The following UQCC1 variants were observed in gnomAD, a reference collection of about 807,000 sequenced individuals.
UQCC1 encodes the protein ubiquinol-cytochrome c reductase complex assembly factor 1.
UQCC1 carries 38 observed loss-of-function variants against 48.0 expected under a neutral mutation model. That is an observed-to-expected ratio of 0.79 (90% confidence interval 0.61 to 1.04). The LOEUF (loss-of-function observed/expected upper bound fraction) is 1.04, where lower values mean the gene tolerates loss of function less well. Among genes scored for constraint, UQCC1 ranks in the 50% least tolerant of loss-of-function variants. UQCC1 has a pLI of 0.00. For missense variants in UQCC1, 368 were observed against 381.8 expected, an observed-to-expected ratio of 0.96 and a Z score of 0.30; for synonymous variants, 111 against 129.2, an observed-to-expected ratio of 0.86 and a Z score of 0.95.
intron 4 of UQCC1, among the ~76,000 whole-genome samples, chr20:35,380,879 G>A (rs984703767): frequency 6.6e-6 from 1 of 152,162 alleles, no homozygotes; most frequent in Non-Finnish European, 1.5e-5. Flanking sequence ...TACCAGCTGA[G>A]CATCCCAAAT....
At chr20:35,350,870 G>C (rs561000206) in intron 6 of UQCC1, among the ~76,000 whole-genome samples, 2 of 152,032 alleles carry the variant, frequency 1.3e-5, no homozygotes, top group South Asian at 4.1e-4. Context: ...GTGAAACCCC[G>C]TCTCTCCCAA....
chr20:35,355,361 G>C (rs6060382), intron 6 of UQCC1, among the ~76,000 whole-genome samples: 1 of 152,192 alleles, frequency 6.6e-6, no homozygotes, highest in Admixed American at 6.5e-5. Flanking sequence ...GGGAAAATAA[G>C]GTTCTGATCC....
chr20:35,394,143 A>C lies in UQCC1; in HGVS notation c.78T>G (p.Pro26=). Reference sequence around the variant, plus strand: ...CCCCCTGTCCTTGGGTAGGAGACACAGGTATCAATCGGCTGCATACTGGAA... The same window carrying C: ...CCCCCTGTCCTTGGGTAGGAGACACCGGTATCAATCGGCTGCATACTGGAA... ...QWVPVCSRLI[P]VSPTQGQGDR... Residue 26 remains proline (P), a synonymous_variant, in exon 2 of 10, where the codon CCT becomes CCG. Transcript: ENST00000374385. The C allele has an allele frequency of 6.2e-7, 1 of 1,614,120 alleles. No individual in the cohort carries two copies. Among genetic ancestry groups the C allele is most frequent in the Non-Finnish European group, 8.5e-7 (1 of 1,179,986 alleles).
At chr20:35,390,822 T>G (rs1052515822) in intron 2 of UQCC1, among the ~76,000 whole-genome samples, 2 of 152,140 alleles carry the variant, frequency 1.3e-5, no homozygotes, top group Admixed American at 6.6e-5. Context: ...TCCCCTGATA[T>G]GATGCACTGA....
intron 7 of UQCC1, among the ~76,000 whole-genome samples, chr20:35,315,833 C>T (rs2425055): frequency 0.44 from 66,231 of 151,992 alleles, 15,086 homozygotes; most frequent in African/African-American, 0.56. Context: ...CTGCAGTGAG[C>T]CAGGATCGCG....
At chr20:35,392,639 C>T (rs1320758584) in intron 2 of UQCC1, among the ~76,000 whole-genome samples, 2 of 152,106 alleles carry the variant, frequency 1.3e-5, no homozygotes, top group African/African-American at 2.4e-5. Context: ...AAAGTAGACG[C>T]CTCTTCTGCA....
At chr20:35,347,397 C>CTTT in intron 6 of UQCC1, 125 bp from the exon 7 acceptor site, 1 of 889,596 alleles carries the variant, frequency 1.1e-6, no homozygotes, top group Non-Finnish European at 1.6e-6. Flanking sequence ...TGGAAGTGAA[C>CTTT]TTTTTTTTTT....
At chr20:35,398,046 T>C (rs941580212) in intron 1 of UQCC1, among the ~76,000 whole-genome samples, 1 of 152,218 alleles carries the variant, frequency 6.6e-6, no homozygotes, top group Non-Finnish European at 1.5e-5. Flanking sequence ...AACTGAGGCA[T>C]GGAGAGGATA....
chr20:35,303,803 G>A lies in UQCC1; in HGVS notation c.*132C>T. 2.4e-6 allele frequency: 3 copies of A among 1,265,282 alleles called. No homozygotes were observed. The highest frequency in any genetic ancestry group is 3.4e-6 in the Non-Finnish European group (3 of 893,482). 78.4% of individuals were successfully genotyped at this position (1,265,282 alleles called of 1,614,324 possible). A position where few individuals can be genotyped will look rare whatever the true frequency, so the allele number is the denominator to read the frequency against. On this transcript the variant is annotated 3_prime_UTR_variant, in exon 10 of 10. Transcript: ENST00000374385. ...ACTAAGAGGAAACTCAACACAAATG[G>A]GGCCAGGTATTTGACAGATGCTGTT...
intron 2 of UQCC1, among the ~76,000 whole-genome samples, chr20:35,393,404 A>C (rs1288225398): frequency 6.6e-6 from 1 of 152,108 alleles, no homozygotes; most frequent in Non-Finnish European, 1.5e-5. Flanking sequence ...CTAATAAGTG[A>C]AAAGGTACCA....
At chr20:35,310,508 T>C (rs1027041850) in intron 8 of UQCC1, among the ~76,000 whole-genome samples, 1 of 151,332 alleles carries the variant, frequency 6.6e-6, no homozygotes, top group Non-Finnish European at 1.5e-5. Flanking sequence ...TAGTCAAGCA[T>C]GGTGGCGCCT....
intron 6 of UQCC1, among the ~76,000 whole-genome samples, chr20:35,355,884 C>CT (rs35947113): frequency 0.082 from 11,501 of 140,274 alleles, 940 homozygotes; most frequent in African/African-American, 0.21. Flanking sequence ...CACATACTAT[C>CT]TTTTTTTTTT....
At position 35,394,234 on chromosome 20, in the gene UQCC1, T is replaced by C. The variant is rs777465853; in HGVS notation, c.25-38A>G. On this transcript the variant is annotated intron_variant, in intron 1 of 9. Coordinates refer to ENST00000374385, the MANE Select transcript of UQCC1 (RefSeq NM_018244.5). ...AATAATAATCTGTCAGGAATCTAAA[T>C]CATACTCCCTACATGGAAGGCAAAG... is the stretch of plus-strand genomic sequence containing the variant. 1.8e-5 allele frequency: 27 copies of C among 1,541,452 alleles called. No homozygotes were observed. In the Admixed American group the frequency reaches 4.3e-4, roughly 25 times the overall value.
At chr20:35,403,917 G>A (rs181915043) in intron 1 of UQCC1, among the ~76,000 whole-genome samples, 5 of 152,204 alleles carry the variant, frequency 3.3e-5, no homozygotes, top group East Asian at 1.9e-4. Flanking sequence ...GTCGTGGGGT[G>A]GGGGGAGCGG....
intron 7 of UQCC1, among the ~76,000 whole-genome samples, chr20:35,337,594 A>C (rs1192115485): frequency 6.6e-6 from 1 of 152,136 alleles, no homozygotes; most frequent in Non-Finnish European, 1.5e-5. Context: ...TTCCAGTTTA[A>C]ACAGTCTAAG....
At chr20:35,364,685 C>T (rs1436325513) in intron 6 of UQCC1, among the ~76,000 whole-genome samples, 3 of 152,180 alleles carry the variant, frequency 2.0e-5, no homozygotes, top group African/African-American at 7.2e-5. Flanking sequence ...ACACCCTACT[C>T]CTCAGAAATT....
At chr20:35,356,151 A>T (rs1486321301) in intron 6 of UQCC1, among the ~76,000 whole-genome samples, 1 of 152,192 alleles carries the variant, frequency 6.6e-6, no homozygotes, top group Non-Finnish European at 1.5e-5. Context: ...GGCCTCCCAA[A>T]GTGCTGGGAT....
chr20:35,401,658 C>CTTT lies in UQCC1; in HGVS notation c.25-7465_25-7463dup, dbSNP rs142034321. Among the ~76,000 whole-genome samples the CTTT allele has an allele frequency of 5.3e-4, 62 of 117,968 alleles. 2 individuals carry two copies. Among genetic ancestry groups the CTTT allele is most frequent in the African/African-American group, 1.0e-3 (32 of 31,714 alleles). The allele number at this position is 117,968 out of a possible 152,430, so 77.4% of individuals were successfully genotyped here. On this transcript the variant is annotated intron_variant, in intron 1 of 9. Transcript: ENST00000374385. ...AATCAATTATAAACATGAAATCCAC[C>CTTT]TTTTTTTTTTTTTTTTTTTTGAGAC...
chr20:35,391,633 T>A (rs1050966551), intron 2 of UQCC1, among the ~76,000 whole-genome samples: 3 of 145,370 alleles, frequency 2.1e-5, no homozygotes, highest in African/African-American at 5.1e-5. Context: ...GACTCTGTCT[T>A]AAAAAAAAAA....
Sources: allele counts gnomAD v4.1 joint callset (sites outside exome capture counted in the v4.1 genomes callset), GRCh38; gene constraint gnomAD v4.1.1; transcripts MANE v1.5; gene names NCBI Gene and HGNC (gene_info 2026-07-23, HGNC 2026-07-21).